Variants in ST7 observed in about 807,000 individuals in gnomAD.
The protein encoded by ST7 is suppressor of tumorigenicity 7 protein.
Under a neutral mutation model 78.7 loss-of-function variants are expected in ST7, and 28 were observed. That is an observed-to-expected ratio of 0.36 (90% CI 0.26 to 0.49). The LOEUF (loss-of-function observed/expected upper bound fraction) is 0.49, where lower values mean the gene tolerates loss of function less well. Ranked by LOEUF, ST7 falls within the 20% of genes least tolerant of loss-of-function variation. The pLI is 0.99. For synonymous variants in ST7, 247 were observed against 249.6 expected (o/e 0.99, Z 0.10); for missense variants, 418 against 696.0 (o/e 0.60, Z 4.49).
intron 1 of ST7, among the ~76,000 whole-genome samples, chr7:116,962,237 C>T (rs1792872691): frequency 1.3e-5 from 2 of 152,112 alleles, no homozygotes; most frequent in African/African-American, 4.8e-5. Context: ...CATGGTGCTG[C>T]AATAAACATA....
chr7:117,096,067 CAAAAAAAAAAAAAAA>C (rs35970973), intron 1 of ST7, among the ~76,000 whole-genome samples: 6 of 35,712 alleles, frequency 1.7e-4, no homozygotes, highest in African/African-American at 1.0e-4. Flanking sequence ...GATTCTGCCT[CAAAAAAAAAAAAAAA>C]AAAAAAAAAA....
intron 1 of ST7, among the ~76,000 whole-genome samples, chr7:117,004,688 A>G (rs1348862961): frequency 6.6e-6 from 1 of 152,136 alleles, no homozygotes; most frequent in African/African-American, 2.4e-5. Flanking sequence ...ACATACATAC[A>G]TAAAATAAAA....
intron 9 of ST7, among the ~76,000 whole-genome samples, chr7:117,165,067 G>T (rs1807439139): frequency 6.6e-6 from 1 of 152,118 alleles, no homozygotes; most frequent in Non-Finnish European, 1.5e-5. Flanking sequence ...GAAACACGGT[G>T]GCTAGTAACT....
intron 15 of ST7, chr7:117,223,390 T>C (rs1417429249): frequency 5.5e-6 from 1 of 183,006 alleles, no homozygotes; most frequent in African/African-American, 2.4e-5. Context: ...CTCCAGTGGA[T>C]TCCCAGGGAC....
chr7:117,036,582 G>A (rs868687672), intron 1 of ST7, among the ~76,000 whole-genome samples: 5 of 152,150 alleles, frequency 3.3e-5, no homozygotes, highest in Admixed American at 2.6e-4. Flanking sequence ...CTGTGCAAAT[G>A]AGATATGATA....
chr7:116,983,359 C>T (rs1216745473), intron 1 of ST7, among the ~76,000 whole-genome samples: 3 of 152,068 alleles, frequency 2.0e-5, no homozygotes, highest in Admixed American at 1.3e-4. Flanking sequence ...AATATATTTA[C>T]TTATTTGCTT....
At chr7:116,998,082 GC>G (rs2116426206) in intron 1 of ST7, among the ~76,000 whole-genome samples, 1 of 152,352 alleles carries the variant, frequency 6.6e-6, no homozygotes, top group East Asian at 1.9e-4. Flanking sequence ...CTGCACAGGA[GC>G]CCATGGAGGC....
At position 117,136,233 on chromosome 7, in the gene ST7, A is replaced by T; in HGVS notation, c.863A>T (p.His288Leu). The T allele has an allele frequency of 6.2e-7, 1 of 1,613,668 alleles. No individual in the cohort carries two copies. The highest frequency in any genetic ancestry group is 8.5e-7 in the Non-Finnish European group (1 of 1,179,680). The change falls in exon 8 of 16, where the codon CAT (histidine) becomes CTT (leucine). Residue 288 changes from histidine to leucine, a missense_variant and splice_region_variant. Physicochemically the swap from His to Leu is moderately conservative, Grantham distance 99 (BLOSUM62 -3). Around this residue, in one of 4 missense-constraint regions of ST7, gnomAD observed 288 missense variants for 537.1 expected, o/e 0.54. Coordinates refer to ENST00000323984, the MANE Select transcript of ST7 (RefSeq NM_001369598.1). ...QHHGSQYEAQ[H>L]RRDTNVLVYI... ...CATGGATCCCAGTATGAAGCCCAAC[A>T]TAGTAAGGTTTCCTGCAGGTTGATG...
At chr7:116,961,834 G>A (rs1792848502) in intron 1 of ST7, among the ~76,000 whole-genome samples, 1 of 151,358 alleles carries the variant, frequency 6.6e-6, no homozygotes, top group Non-Finnish European at 1.5e-5. Flanking sequence ...TGTTATGTAG[G>A]TATACGTGTG....
chr7:117,087,707 A>G (rs898055388), intron 1 of ST7, among the ~76,000 whole-genome samples: 1 of 152,090 alleles, frequency 6.6e-6, no homozygotes, highest in Non-Finnish European at 1.5e-5. Flanking sequence ...TTTCCTTACT[A>G]TTCACTGTCT....
chr7:116,956,439 C>T (rs1474879938), intron 1 of ST7: 1 of 470,858 alleles, frequency 2.1e-6, no homozygotes. Flanking sequence ...GGTGCTTACT[C>T]TTCCTGTGAT....
chr7:117,229,686 C>A (rs867817525), intron 15 of ST7, 76 bp from the exon 16 acceptor site: 2 of 1,175,210 alleles, frequency 1.7e-6, no homozygotes, highest in African/African-American at 1.5e-5. Flanking sequence ...AAGCTGCAAG[C>A]GTGGGTGGAG....
intron 1 of ST7, among the ~76,000 whole-genome samples, chr7:117,050,701 C>T (rs1052424141): frequency 8.5e-5 from 13 of 152,118 alleles, no homozygotes; most frequent in East Asian, 1.9e-4. Context: ...GAGGCCGAGG[C>T]GAGTGGATCA....
intron 8 of ST7, chr7:117,136,457 T>C (rs1804799558): frequency 1.6e-6 from 1 of 613,812 alleles, no homozygotes; most frequent in Non-Finnish European, 2.8e-6. Context: ...TTCCTGCCCA[T>C]AGATTCCTAA....
At chr7:117,079,800 C>T (rs111637080) in intron 1 of ST7, among the ~76,000 whole-genome samples, 28 of 152,084 alleles carry the variant, frequency 1.8e-4, no homozygotes, top group African/African-American at 6.7e-4. Context: ...CCAAAGACAA[C>T]TACTTAATGG....
chr7:117,182,430 G>T (rs531489689), intron 10 of ST7, among the ~76,000 whole-genome samples: 5 of 152,150 alleles, frequency 3.3e-5, no homozygotes, highest in Non-Finnish European at 4.4e-5. Flanking sequence ...CTGGAATGAC[G>T]TACTGAAACT....
chr7:117,101,077 G>A (rs1801534261), intron 2 of ST7, among the ~76,000 whole-genome samples: 1 of 152,254 alleles, frequency 6.6e-6, no homozygotes, highest in East Asian at 1.9e-4. Flanking sequence ...ATGAAGAAAT[G>A]TATGGAGGAC....
chr7:116,967,896 T>G (rs1793208406), intron 1 of ST7, among the ~76,000 whole-genome samples: 1 of 152,236 alleles, frequency 6.6e-6, no homozygotes, highest in African/African-American at 2.4e-5. Context: ...ATGCATCTGT[T>G]CTTCATTTTC....
At chr7:117,094,794 C>T (rs780073120) in intron 1 of ST7, among the ~76,000 whole-genome samples, 1 of 152,054 alleles carries the variant, frequency 6.6e-6, no homozygotes, top group Non-Finnish European at 1.5e-5. Flanking sequence ...ATATAAAGTC[C>T]CTTCCATTGT....
Sources: allele counts gnomAD v4.1 joint callset (sites outside exome capture counted in the v4.1 genomes callset), GRCh38; gene constraint gnomAD v4.1.1; regional missense constraint gnomAD v4.1.1; transcripts MANE v1.5; gene names NCBI Gene and HGNC (gene_info 2026-07-23, HGNC 2026-07-21).